LRP1B: variants seen among roughly 807,000 people sequenced by gnomAD.
LRP1B encodes LDL receptor related protein 1B, also known as low-density lipoprotein receptor-related protein 1B.
LRP1B carries 217 observed loss-of-function variants against 556.6 expected under a neutral mutation model. The ratio of observed to expected loss-of-function variants is 0.39; its 90% CI spans 0.35 to 0.44. The LOEUF (loss-of-function observed/expected upper bound fraction) is 0.44. LRP1B is among the 20% of genes least tolerant of loss of function. LRP1B has a pLI of 1.00. For missense variants in LRP1B, 5,053 were observed against 5,620.8 expected (o/e 0.90, Z 3.23); for synonymous variants, 2,047 against 1,865.8 (o/e 1.10, Z -2.50).
At chr2:141,228,448 G>T (rs1652723286) in intron 6 of LRP1B, among the ~76,000 whole-genome samples, 1 of 149,588 alleles carries the variant, frequency 6.7e-6, no homozygotes, top group Non-Finnish European at 1.5e-5. Flanking sequence ...AGCAGGGAGA[G>T]AGAAGGAGAG....
At chr2:140,795,831 A>T (rs1690283915) in intron 32 of LRP1B, among the ~76,000 whole-genome samples, 1 of 152,116 alleles carries the variant, frequency 6.6e-6, no homozygotes. Flanking sequence ...ACATGAGATA[A>T]TACCTGGAGT....
chr2:141,731,235 G>A lies in LRP1B; in HGVS notation c.205+79044C>T, dbSNP rs1486046169. The stretch of plus-strand genomic sequence containing the variant: ...CATGGCCCCCAAATTAAAATTTCCC[G>A]GGCCCTATCCCACACTGACTCGGAA... On this transcript the variant is annotated intron_variant, in intron 2 of 90. Coordinates refer to ENST00000389484, the MANE Select transcript of LRP1B (RefSeq NM_018557.3). Among the ~76,000 whole-genome samples the A allele has an allele frequency of 5.3e-5, 8 of 152,096 alleles. No homozygotes were observed. In the South Asian group the frequency reaches 6.2e-4, roughly 12 times the overall value.
chr2:140,310,134 C>T (rs1438033025), intron 83 of LRP1B, among the ~76,000 whole-genome samples: 3 of 151,648 alleles, frequency 2.0e-5, no homozygotes, highest in Non-Finnish European at 4.4e-5. Context: ...TTTCTGCTCC[C>T]CAAACTCCTG....
rs542438392 is a variant in LRP1B, at chr2:141,229,802, G to A, written c.593-362C>T. Among the ~76,000 whole-genome samples, 215 of 152,172 alleles carry A rather than the reference G, an allele frequency of 1.4e-3. 1 individual carries two copies. Among genetic ancestry groups the A allele is most frequent in the African/African-American group, 4.2e-3 (176 of 41,530 alleles). Reference sequence around the variant, plus strand: ...ATACAGTTTTGCAGGTTACCCTCACGAGCAAGGTAATGTTTTTTTGAGTCG... The same window carrying A: ...ATACAGTTTTGCAGGTTACCCTCACAAGCAAGGTAATGTTTTTTTGAGTCG... On this transcript the variant is annotated intron_variant, in intron 5 of 90. Transcript: ENST00000389484.
chr2:140,714,746 A>G (rs982090), intron 37 of LRP1B, among the ~76,000 whole-genome samples: 2,534 of 152,234 alleles, frequency 0.017, 93 homozygotes, highest in Admixed American at 0.072. Context: ...CTTTAAGGCT[A>G]TAATAATTTA....
intron 6 of LRP1B, among the ~76,000 whole-genome samples, chr2:141,201,626 C>G (rs1217170074): frequency 1.3e-5 from 2 of 152,112 alleles, no homozygotes; most frequent in East Asian, 3.9e-4. Flanking sequence ...TGTTTTTATA[C>G]AAATAACATT....
rs539667226 is a variant in LRP1B, at chr2:140,520,603, A to AT, written c.8027-3593dup. On this transcript the variant is annotated intron_variant, in intron 49 of 90. Transcript: ENST00000389484. ...CATGTACCCTAGAACTTAAAGTATA[A>AT]TTTTTTTTGGTGCCAGTTTCATGAG... Among the ~76,000 whole-genome samples the AT allele has an allele frequency of 2.0e-3, 296 of 151,600 alleles. 3 individuals carry two copies. Among genetic ancestry groups the AT allele is most frequent in the African/African-American group, 6.8e-3 (282 of 41,380 alleles).
chr2:142,018,000 C>A (rs544193719), intron 1 of LRP1B, among the ~76,000 whole-genome samples: 171 of 148,746 alleles, frequency 1.1e-3, no homozygotes, highest in African/African-American at 4.1e-3. Context: ...ATTTTACCTA[C>A]AAACCATGAA....
intron 1 of LRP1B, among the ~76,000 whole-genome samples, chr2:141,956,711 G>T (rs1054821039): frequency 1.3e-5 from 2 of 151,828 alleles, no homozygotes; most frequent in African/African-American, 4.8e-5. Flanking sequence ...TATAAATATC[G>T]AATTCAACTT....
chr2:140,448,523 G>A (rs955728168), intron 63 of LRP1B, among the ~76,000 whole-genome samples: 3 of 152,014 alleles, frequency 2.0e-5, no homozygotes, highest in Non-Finnish European at 4.4e-5. Context: ...CAAATACCAC[G>A]TGATCTCACT....
intron 1 of LRP1B, among the ~76,000 whole-genome samples, chr2:141,922,875 G>C (rs1229200703): frequency 1.4e-4 from 21 of 152,128 alleles, no homozygotes; most frequent in African/African-American, 4.3e-4. Context: ...TGAGGTAGGA[G>C]AATCACTTGA....
intron 79 of LRP1B, among the ~76,000 whole-genome samples, chr2:140,327,865 G>GAATT (rs1680573347): frequency 6.6e-6 from 1 of 151,918 alleles, no homozygotes; most frequent in Non-Finnish European, 1.5e-5. Context: ...CTATTGGATG[G>GAATT]AATTACATCT....
chr2:140,416,910 A>G (rs1221726394), intron 66 of LRP1B, among the ~76,000 whole-genome samples: 1 of 152,212 alleles, frequency 6.6e-6, no homozygotes, highest in Admixed American at 6.5e-5. Context: ...AATTGATTAA[A>G]AACAAAGGTC....
intron 7 of LRP1B, among the ~76,000 whole-genome samples, chr2:141,070,180 C>T (rs1558839051): frequency 6.6e-6 from 1 of 151,904 alleles, no homozygotes; most frequent in Non-Finnish European, 1.5e-5. Flanking sequence ...ATATGTGCCA[C>T]ATTTTCTTAA....
At chr2:142,037,713 G>T (rs1703932667) in intron 1 of LRP1B, among the ~76,000 whole-genome samples, 1 of 151,416 alleles carries the variant, frequency 6.6e-6, no homozygotes, top group Non-Finnish European at 1.5e-5. Flanking sequence ...TTCTCTTTAG[G>T]TCTCATCCTT....
chr2:141,564,714 G>A (rs945407141), intron 2 of LRP1B, among the ~76,000 whole-genome samples: 6 of 152,084 alleles, frequency 3.9e-5, no homozygotes, highest in Admixed American at 6.6e-5. Context: ...CAAAGGACAA[G>A]AGAAATGATA....
intron 90 of LRP1B, 154 bp downstream of exon 90, chr2:140,234,632 C>G: frequency 1.8e-6 from 1 of 568,336 alleles, no homozygotes; most frequent in Non-Finnish European, 3.2e-6. Flanking sequence ...ATAGACAGGA[C>G]ACATAACATA....
rs116426751 is a variant in LRP1B, at chr2:141,519,786, C to T, written c.206-39253G>A. Among the ~76,000 whole-genome samples the T allele has an allele frequency of 5.7e-3, 870 of 152,112 alleles. 14 individuals are homozygous for T. The highest frequency in any genetic ancestry group is 0.02 in the African/African-American group (833 of 41,528). ...CAGACTGAGTAGGAAAAAAAGCGTT[C>T]TTTCTTGCCAGTAGCCTCATCTATA... On this transcript the variant is annotated intron_variant, in intron 2 of 90. Transcript: ENST00000389484.
At chr2:141,034,373 C>T (rs530060104) in intron 11 of LRP1B, among the ~76,000 whole-genome samples, 1 of 152,032 alleles carries the variant, frequency 6.6e-6, no homozygotes, top group East Asian at 1.9e-4. Context: ...TCTAATTAAA[C>T]TAAAGAGCTT....
Sources: gnomAD v4.1 joint callset for allele counts (sites outside exome capture counted in the v4.1 genomes callset) on GRCh38, gnomAD v4.1.1 for gene constraint, MANE v1.5 for transcripts, NCBI Gene and HGNC (gene_info 2026-07-23, HGNC 2026-07-21) for gene names.